The following SRRM2 variants were observed in gnomAD, a reference collection of about 807,000 sequenced individuals.
SRRM2 encodes the protein serine/arginine repetitive matrix 2.
In SRRM2, 30 loss-of-function variants were observed where a neutral mutation model predicts 213.8. The observed-to-expected ratio is 0.14, with a 90% CI of 0.10 to 0.19. The LOEUF is 0.19. Among genes scored for constraint, SRRM2 ranks in the 10% least tolerant of loss-of-function variants. The pLI is 1.00. For missense variants in SRRM2, 4,904 were observed against 3,647.0 expected, an observed-to-expected ratio of 1.34 and a Z score of -8.88; for synonymous variants, 2,025 against 1,377.7, an observed-to-expected ratio of 1.47 and a Z score of -10.40.
Position 2,764,676 on chromosome 16 carries a change from G to A in SRRM2, c.4148G>A (p.Ser1383Asn), listed in dbSNP as rs186863441. The change falls in exon 11 of 15, where the codon AGT becomes AAT. Residue 1383 changes from serine to asparagine, a missense_variant. By Grantham distance (46) the Ser-to-Asn change is conservative. Transcript: ENST00000301740. ...TCGACAAGATCCTCTGGACACAGCA[G>A]TTCTGAGTTATCCCCAGATGCAGTG... The part of the protein sequence containing the change: ...EQSTRSSGHS[S>N]SELSPDAVEK... 7 of 1,614,090 alleles carry A rather than the reference G, an allele frequency of 4.3e-6. No individual in the cohort carries two copies. The highest frequency in any genetic ancestry group is 5.9e-6 in the Non-Finnish European group (7 of 1,180,042).
chr16:2,753,962 A>G (rs905660491), intron 1 of SRRM2, among the ~76,000 whole-genome samples: 4 of 152,128 alleles, frequency 2.6e-5, no homozygotes, highest in African/African-American at 7.2e-5. Context: ...ATTCAAATAT[A>G]TCTTTCTACT....
chr16:2,757,741 C>T, intron 3 of SRRM2, 40 bp from the exon 4 acceptor site: 4 of 1,609,546 alleles, frequency 2.5e-6, no homozygotes, highest in East Asian at 4.5e-5. Flanking sequence ...TGGCTCTGTC[C>T]TTTATATTTC....
chr16:2,771,284 C>T lies in SRRM2; in HGVS notation c.*417C>T, dbSNP rs766239205. On this transcript the variant is annotated 3_prime_UTR_variant, in exon 15 of 15. Transcript: ENST00000301740. The stretch of plus-strand genomic sequence containing the variant: ...GGCAGGAGTTGGAATTAGTTGGTCC[C>T]TACTGTCCCCCATGAGGTTGTGAAC... 2.0e-5 allele frequency: 18 copies of T among 892,700 alleles called. No individual in the cohort carries two copies. The highest frequency in any genetic ancestry group is 9.7e-5 in the Admixed American group (5 of 51,422). 55.3% of individuals were successfully genotyped at this position (892,700 alleles called of 1,614,324 possible).
intron 4 of SRRM2, 46 bp from the exon 5 acceptor site, chr16:2,758,424 A>G (rs372050848): frequency 1.1e-5 from 16 of 1,443,922 alleles, no homozygotes; most frequent in Admixed American, 8.6e-5. Flanking sequence ...AAAGAAAGGA[A>G]TGTTTGTTCT....
intron 12 of SRRM2, chr16:2,769,522 C>T (rs1367636330): frequency 1.4e-5 from 9 of 632,486 alleles, no homozygotes; most frequent in Non-Finnish European, 2.6e-5. Flanking sequence ...CTTCCTCTCC[C>T]TCCCTCAACA....
At chr16:2,768,624 C>G in intron 11 of SRRM2, 1 of 633,526 alleles carries the variant, frequency 1.6e-6, no homozygotes, top group Non-Finnish European at 2.9e-6. Context: ...CTCCCTGCCT[C>G]CAGGCAGGAC....
At chr16:2,758,757 G>A in intron 5 of SRRM2, 2 of 672,744 alleles carry the variant, frequency 3.0e-6, no homozygotes, top group African/African-American at 1.8e-5. Context: ...AGATTGGCCA[G>A]CAGCATTTTG....
At chr16:2,755,091 T>A (rs572341530) in intron 1 of SRRM2, among the ~76,000 whole-genome samples, 1 of 152,230 alleles carries the variant, frequency 6.6e-6, no homozygotes, top group African/African-American at 2.4e-5. Context: ...CTTAGTAGTA[T>A]TTTCTCATAT....
intron 2 of SRRM2, among the ~76,000 whole-genome samples, chr16:2,757,084 A>G (rs976594582): frequency 2.6e-5 from 4 of 152,178 alleles, no homozygotes; most frequent in African/African-American, 9.7e-5. Flanking sequence ...AAAGGAGCCC[A>G]TTAAGGCAGA....
intron 1 of SRRM2, among the ~76,000 whole-genome samples, chr16:2,755,641 C>T (rs2068113917): frequency 1.3e-5 from 2 of 152,138 alleles, no homozygotes; most frequent in South Asian, 2.1e-4. Flanking sequence ...AAGGAAATGG[C>T]CCTTACCTGG....
chr16:2,763,868 A>G lies in SRRM2; in HGVS notation c.3340A>G (p.Ile1114Val), dbSNP rs1794207708. The G allele has an allele frequency of 3.1e-6, 5 of 1,614,104 alleles. No homozygotes were observed. The highest frequency in any genetic ancestry group is 1.1e-5 in the South Asian group (1 of 91,090). ...CACTGAGCTGGCATCCAGATCTCCA[A>G]TAAGACAAGATAGAGGTGAGTTCTC... Reference protein sequence around the residue: ...PVTELASRSPIRQDRGEFSAS... With the variant: ...PVTELASRSPVRQDRGEFSAS... The change falls in exon 11 of 15, where the codon ATA (isoleucine) becomes GTA (valine). Residue 1114 changes from isoleucine (I) to valine (V), a missense_variant. Coordinates refer to ENST00000301740, the MANE Select transcript of SRRM2 (RefSeq NM_016333.4).
At position 2,758,585 on chromosome 16, in the gene SRRM2, C is replaced by T. The variant is rs2068231699; in HGVS notation, c.593+38C>T. The T allele has an allele frequency of 1.9e-6, 3 of 1,567,528 alleles. No individual in the cohort carries two copies. In the Admixed American group the frequency reaches 5.0e-5, roughly 26 times the overall value. ...GAAAGTGACTCTGATAGCCAGAGGA[C>T]CAATCCTGTGGTGTACCTTTCTCTC... On this transcript the variant is annotated intron_variant, in intron 5 of 14. Coordinates refer to ENST00000301740, the MANE Select transcript of SRRM2 (RefSeq NM_016333.4).
At position 2,762,537 on chromosome 16, in the gene SRRM2, G is replaced by T. The variant is rs761066930; in HGVS notation, c.2009G>T (p.Arg670Leu). The change falls in exon 11 of 15, where the codon CGC becomes CTC. Residue 670 changes from arginine to leucine, a missense_variant. Physicochemically the swap from Arg to Leu is moderately radical, Grantham distance 102. Transcript: ENST00000301740. ...SRTPARRGRS[R>L]SRTPARRSGR... Reference sequence around the variant, plus strand: ...ACCCCAGCCAGACGTGGCCGCTCACGCTCTAGAACCCCAGCTAGACGCAGT... The same window carrying T: ...ACCCCAGCCAGACGTGGCCGCTCACTCTCTAGAACCCCAGCTAGACGCAGT... 6 of 1,613,882 alleles carry T rather than the reference G, an allele frequency of 3.7e-6. No individual in the cohort carries two copies. Among genetic ancestry groups the T allele is most frequent in the Middle Eastern group, 3.3e-4 (2 of 6,084 alleles).
Position 2,762,481 on chromosome 16 carries a change from C to A in SRRM2, c.1953C>A (p.Thr651=), listed in dbSNP as rs79910471. 1 of 1,613,790 alleles carries A rather than the reference C, an allele frequency of 6.2e-7. No individual in the cohort carries two copies. Among genetic ancestry groups the A allele is most frequent in the East Asian group, 2.2e-5 (1 of 44,870 alleles). ...GAAGTGGCAGGTCACGCTCTAGAAC[C>A]CCAGCTAGACGTGGCCGCTCACGCT... ...ARRSGRSRSR[T]PARRGRSRSR... is the part of the protein sequence containing the mutation. The change falls in exon 11 of 15, where the codon ACC becomes ACA. Residue 651 remains threonine, a synonymous_variant. Transcript: ENST00000301740.
At chr16:2,760,025 G>C in intron 9 of SRRM2, 1 of 554,154 alleles carries the variant, frequency 1.8e-6, no homozygotes, top group South Asian at 2.1e-5. Flanking sequence ...TGTGAATGAA[G>C]CGGGTAGGGA....
Position 2,771,179 on chromosome 16 carries a change from A to G in SRRM2, c.*312A>G, listed in dbSNP as rs1383373935. ...GTCAGGGCCAGGGAGGCATGGCCCC[A>G]CTTGTATCCAGAAGTTCCCAGGGGT... On this transcript the variant is annotated 3_prime_UTR_variant, in exon 15 of 15. Transcript: ENST00000301740. 4 of 626,520 alleles carry G rather than the reference A, an allele frequency of 6.4e-6. No homozygotes were observed. The highest frequency in any genetic ancestry group is 1.1e-5 in the Non-Finnish European group (4 of 357,280). 38.8% of individuals were successfully genotyped at this position (626,520 alleles called of 1,614,324 possible).
At chr16:2,760,271 C>A (rs2068291914) in intron 9 of SRRM2, 30 bp from the exon 10 acceptor site, 1 of 1,602,298 alleles carries the variant, frequency 6.2e-7, no homozygotes, top group African/African-American at 1.3e-5. Context: ...GATTTCCTTC[C>A]TCTCCCACGT....
At chr16:2,761,195 C>T (rs976039346) in intron 10 of SRRM2, among the ~76,000 whole-genome samples, 4 of 152,146 alleles carry the variant, frequency 2.6e-5, no homozygotes, top group African/African-American at 7.2e-5. Flanking sequence ...TGTTTCTTTT[C>T]GTTTAATAGA....
Position 2,767,674 on chromosome 16 carries a change from C to G in SRRM2, c.7146C>G (p.Ser2382Arg). The G allele has an allele frequency of 6.2e-7, 1 of 1,614,084 alleles. No homozygotes were observed. The highest frequency in any genetic ancestry group is 8.5e-7 in the Non-Finnish European group (1 of 1,180,010). The change falls in exon 11 of 15, where the codon AGC becomes AGG. Residue 2382 changes from serine to arginine, a missense_variant. Coordinates refer to ENST00000301740, the MANE Select transcript of SRRM2 (RefSeq NM_016333.4). Reference sequence around the variant, plus strand: ...CATTGTCTGGTGCAAACCTCACCAGCCCCAGGGTGCCCCTTTCTGCCTACG... The same window carrying G: ...CATTGTCTGGTGCAAACCTCACCAGGCCCAGGGTGCCCCTTTCTGCCTACG... Reference protein sequence around the residue: ...APALSGANLTSPRVPLSAYER... With the variant: ...APALSGANLTRPRVPLSAYER...
Sources: allele counts gnomAD v4.1 joint callset (sites outside exome capture counted in the v4.1 genomes callset), GRCh38; gene constraint gnomAD v4.1.1; transcripts MANE v1.5; gene names NCBI Gene and HGNC (gene_info 2026-07-23, HGNC 2026-07-21).